IL1RAP: variants seen among roughly 807,000 people sequenced by gnomAD.
IL1RAP encodes the protein interleukin 1 receptor accessory protein.
Under a neutral mutation model 60.7 loss-of-function variants are expected in IL1RAP, and 35 were observed. The observed-to-expected ratio is 0.58, with a 90% confidence interval of 0.44 to 0.76. The LOEUF (loss-of-function observed/expected upper bound fraction) is 0.76, where lower values mean the gene tolerates loss of function less well. Among genes scored for constraint, IL1RAP ranks in the 30% least tolerant of loss-of-function variants. The probability of loss-of-function intolerance (pLI) is 0.00; values close to 1 mark genes in which losing one functional copy is unlikely to be tolerated. For synonymous variants in IL1RAP, 268 were observed against 250.9 expected (o/e 1.07, Z -0.64); for missense variants, 572 against 693.9 (o/e 0.82, Z 1.97).
chr3:190,540,254 CCT>C (rs1244151985), intron 1 of IL1RAP, among the ~76,000 whole-genome samples: 3 of 151,972 alleles, frequency 2.0e-5, no homozygotes, highest in Non-Finnish European at 4.4e-5. Flanking sequence ...TCTCTTCCGT[CCT>C]CTCTGCCTTC....
At chr3:190,608,670 A>G (rs1433886714) in intron 4 of IL1RAP, among the ~76,000 whole-genome samples, 1 of 152,184 alleles carries the variant, frequency 6.6e-6, no homozygotes, top group African/African-American at 2.4e-5. Context: ...TTATGAAACC[A>G]CCATCACATA....
intron 5 of IL1RAP, among the ~76,000 whole-genome samples, chr3:190,617,149 T>C (rs952462271): frequency 6.6e-6 from 1 of 152,194 alleles, no homozygotes; most frequent in Admixed American, 6.5e-5. Flanking sequence ...AGTTGTTTTG[T>C]TTTTATTTCA....
At position 190,627,364 on chromosome 3, in the gene IL1RAP, C is replaced by A; in HGVS notation, c.817C>A (p.Leu273Met). Residue 273 changes from leucine (L) to methionine (M), a missense_variant, in exon 8 of 12, where the codon CTG (leucine) becomes ATG (methionine). Physicochemically the swap from Leu to Met is conservative, Grantham distance 15. Coordinates refer to ENST00000447382, the MANE Select transcript of IL1RAP (RefSeq NM_002182.4). ...TCCCTGTACGGTCTATTTTAGTTTT[C>A]TGATGGATTCTCGCAATGAGGTTTG... is the stretch of plus-strand genomic sequence containing the variant. ...LIPCTVYFSF[L>M]MDSRNEVWWT... 6.2e-7 allele frequency: 1 copy of A among 1,608,940 alleles called. No individual in the cohort carries two copies. The highest frequency in any genetic ancestry group is 1.7e-4 in the Middle Eastern group (1 of 6,048).
chr3:190,534,677 T>C (rs1003108910), intron 1 of IL1RAP, among the ~76,000 whole-genome samples: 2 of 152,072 alleles, frequency 1.3e-5, no homozygotes, highest in Admixed American at 6.5e-5. Context: ...TGGTATGTTA[T>C]TTTTAGGGGG....
intron 1 of IL1RAP, among the ~76,000 whole-genome samples, chr3:190,522,443 C>G (rs563958066): frequency 2.0e-5 from 3 of 149,624 alleles, no homozygotes; most frequent in Non-Finnish European, 2.9e-5. Context: ...ATCTATCTAT[C>G]TATCTATCTA....
At chr3:190,555,450 C>T (rs1156764026) in intron 1 of IL1RAP, among the ~76,000 whole-genome samples, 4 of 152,156 alleles carry the variant, frequency 2.6e-5, no homozygotes, top group Non-Finnish European at 5.9e-5. Flanking sequence ...TACAGTACAG[C>T]AGAAAGAGCA....
At chr3:190,631,020 C>T (rs966778682) in intron 9 of IL1RAP, among the ~76,000 whole-genome samples, 4 of 152,054 alleles carry the variant, frequency 2.6e-5, no homozygotes, top group African/African-American at 7.2e-5. Flanking sequence ...AGGCTTTTAT[C>T]ATCAAATAAG....
intron 1 of IL1RAP, among the ~76,000 whole-genome samples, chr3:190,545,548 G>A (rs552937895): frequency 6.6e-6 from 1 of 152,294 alleles, no homozygotes; most frequent in African/African-American, 2.4e-5. Flanking sequence ...TGAGATTGTT[G>A]CTAAGCAGAA....
intron 4 of IL1RAP, among the ~76,000 whole-genome samples, chr3:190,607,668 C>T (rs1332571460): frequency 2.0e-5 from 3 of 152,162 alleles, no homozygotes; most frequent in African/African-American, 7.2e-5. Context: ...GACGGAACAA[C>T]GTGTGTGAAC....
At chr3:190,659,575 G>A (rs955313287) in exon 12 of IL1RAP, 128 of 152,180 alleles carry the variant, frequency 8.4e-4, no homozygotes, top group African/African-American at 3.0e-3. Flanking sequence ...AGAAATAACA[G>A]GATTGTAGGG....
intron 5 of IL1RAP, among the ~76,000 whole-genome samples, chr3:190,613,451 T>C (rs1353641706): frequency 7.2e-5 from 11 of 152,158 alleles, no homozygotes; most frequent in Admixed American, 4.6e-4. Context: ...ATTCATGTGA[T>C]AGTTGAAGCA....
chr3:190,521,685 C>T (rs1474905933), intron 1 of IL1RAP, among the ~76,000 whole-genome samples: 1 of 151,938 alleles, frequency 6.6e-6, no homozygotes, highest in Non-Finnish European at 1.5e-5. Context: ...ATAAAGAACC[C>T]TTTATGTCCT....
chr3:190,568,896 G>A lies in IL1RAP; in HGVS notation c.64+4543G>A, dbSNP rs548596691. 8.5e-5 allele frequency among the ~76,000 whole-genome samples: 13 copies of A among 152,288 alleles called. 1 individual carries two copies. In the South Asian group the frequency reaches 2.7e-3, roughly 32 times the overall value. On this transcript the variant is annotated intron_variant, in intron 3 of 11. Transcript: ENST00000447382. ...ATTGTAGAATCCAGGGTTAGTAAGA[G>A]GAATTTCTTATTTTAAGAGGAATAC...
At chr3:190,570,516 A>C (rs1303034264) in intron 3 of IL1RAP, among the ~76,000 whole-genome samples, 1 of 151,998 alleles carries the variant, frequency 6.6e-6, no homozygotes, top group African/African-American at 2.4e-5. Context: ...GCTCTTATCC[A>C]TCAGCCCATT....
chr3:190,639,311 G>A (rs959877533), intron 9 of IL1RAP, among the ~76,000 whole-genome samples: 5 of 152,152 alleles, frequency 3.3e-5, no homozygotes, highest in African/African-American at 7.2e-5. Flanking sequence ...CACTGATCTC[G>A]TTATTTTTAT....
chr3:190,645,525 C>A (rs1733953626), intron 10 of IL1RAP, among the ~76,000 whole-genome samples, 174 bp from the exon 11 acceptor site: 1 of 152,136 alleles, frequency 6.6e-6, no homozygotes, highest in South Asian at 2.1e-4. Flanking sequence ...AGATAACATT[C>A]AAAATTACAT....
chr3:190,609,677 T>C (rs1362187633), intron 5 of IL1RAP, among the ~76,000 whole-genome samples: 2 of 152,204 alleles, frequency 1.3e-5, no homozygotes, highest in Non-Finnish European at 2.9e-5. Context: ...AAGGTAGCGC[T>C]TGTAGCAGCA....
intron 1 of IL1RAP, among the ~76,000 whole-genome samples, chr3:190,528,447 A>G (rs564772723): frequency 8.5e-4 from 129 of 152,344 alleles, no homozygotes; most frequent in African/African-American, 2.9e-3. Context: ...TGGCTGCTAT[A>G]GAAACAGTCT....
In IL1RAP at chr3:190,571,495, G is replaced by C. The variant is rs555512725; in HGVS notation, c.64+7142G>C. Among the ~76,000 whole-genome samples, 222 of 152,170 alleles carry C rather than the reference G, an allele frequency of 1.5e-3. 2 individuals are homozygous for C. The highest frequency in any genetic ancestry group is 4.6e-3 in the Admixed American group (71 of 15,284). ...CACGCCACTGCACTCCAGCCTGGGC[G>C]ACAGAACAAGACCCTGTCTCTCTCT... is the stretch of plus-strand genomic sequence containing the variant. On this transcript the variant is annotated intron_variant, in intron 3 of 11. Coordinates refer to ENST00000447382, the MANE Select transcript of IL1RAP (RefSeq NM_002182.4).
Sources: gnomAD v4.1 joint callset for allele counts (sites outside exome capture counted in the v4.1 genomes callset) on GRCh38, gnomAD v4.1.1 for gene constraint, MANE v1.5 for transcripts, NCBI Gene and HGNC (gene_info 2026-07-23, HGNC 2026-07-21) for gene names.